Variants in CADM2 observed in about 807,000 individuals in gnomAD.
The protein encoded by CADM2 is cell adhesion molecule 2.
CADM2 carries 12 observed loss-of-function variants against 49.8 expected under a neutral mutation model. The observed-to-expected ratio is 0.24, with a 90% CI of 0.15 to 0.39. CADM2 has a LOEUF of 0.39. CADM2 is among the 10% of genes least tolerant of loss of function. CADM2 has a pLI of 1.00. For synonymous variants in CADM2, 214 were observed against 175.4 expected (o/e 1.22, Z -1.74); for missense variants, 378 against 492.3 (o/e 0.77, Z 2.20).
At chr3:85,694,209 A>G (rs1457253107) in intron 1 of CADM2, among the ~76,000 whole-genome samples, 1 of 152,220 alleles carries the variant, frequency 6.6e-6, no homozygotes, top group East Asian at 1.9e-4. Flanking sequence ...AACAGACTGA[A>G]TTCTACCCCT....
intron 1 of CADM2, among the ~76,000 whole-genome samples, chr3:85,103,422 G>T (rs2038085275): frequency 6.6e-6 from 1 of 152,062 alleles, no homozygotes; most frequent in Admixed American, 6.6e-5. Context: ...CAGTATGATA[G>T]TTTCCTGTGT....
chr3:85,019,205 A>C (rs1001490813), intron 1 of CADM2, among the ~76,000 whole-genome samples: 21 of 152,206 alleles, frequency 1.4e-4, no homozygotes, highest in African/African-American at 4.6e-4. Flanking sequence ...AATGCTGGGC[A>C]GGTGTGGTGG....
intron 1 of CADM2, among the ~76,000 whole-genome samples, chr3:85,467,276 T>C (rs757453114): frequency 3.3e-5 from 5 of 152,176 alleles, no homozygotes; most frequent in Non-Finnish European, 4.4e-5. Context: ...TACTTATATC[T>C]AGAATTTAGA....
chr3:85,154,427 T>C (rs2040036341), intron 1 of CADM2, among the ~76,000 whole-genome samples: 1 of 151,968 alleles, frequency 6.6e-6, no homozygotes. Flanking sequence ...CTCCAAGAAA[T>C]ATGGGACTAT....
At chr3:86,065,196 A>G (rs1176605976) in intron 8 of CADM2, among the ~76,000 whole-genome samples, 1 of 152,208 alleles carries the variant, frequency 6.6e-6, no homozygotes, top group Non-Finnish European at 1.5e-5. Flanking sequence ...ATAAGTCTCA[A>G]ATTATCATTT....
chr3:85,594,607 A>T (rs1035769754), intron 1 of CADM2, among the ~76,000 whole-genome samples: 6 of 151,964 alleles, frequency 3.9e-5, no homozygotes, highest in African/African-American at 1.4e-4. Context: ...ATACATTTGT[A>T]TTGAAGCATT....
intron 6 of CADM2, among the ~76,000 whole-genome samples, chr3:85,919,190 T>G (rs2108499297): frequency 6.6e-6 from 1 of 152,176 alleles, no homozygotes; most frequent in South Asian, 2.1e-4. Context: ...CATCTCATCA[T>G]GAAATCTTAT....
intron 3 of CADM2, among the ~76,000 whole-genome samples, chr3:85,865,535 G>C (rs766599720): frequency 3.3e-5 from 5 of 151,982 alleles, no homozygotes; most frequent in Non-Finnish European, 7.4e-5. Flanking sequence ...AATACGAAAC[G>C]GAATAAAAAC....
chr3:85,885,931 C>CTA (rs1713585190), intron 4 of CADM2, among the ~76,000 whole-genome samples: 1 of 149,824 alleles, frequency 6.7e-6, no homozygotes, highest in African/African-American at 2.5e-5. Context: ...TTTTTTGATA[C>CTA]TATATATATT....
intron 1 of CADM2, among the ~76,000 whole-genome samples, chr3:85,290,935 G>A (rs2043775238): frequency 6.6e-6 from 1 of 152,240 alleles, no homozygotes; most frequent in South Asian, 2.1e-4. Context: ...AAAGCTGGAT[G>A]GAGAATGACT....
intron 1 of CADM2, among the ~76,000 whole-genome samples, chr3:85,060,933 C>G (rs1459393447): frequency 6.6e-6 from 1 of 151,790 alleles, no homozygotes; most frequent in East Asian, 1.9e-4. Flanking sequence ...TATAAATAAT[C>G]CCATCCAAAA....
At chr3:86,063,007 A>C (rs1243045176) in intron 8 of CADM2, among the ~76,000 whole-genome samples, 1 of 152,148 alleles carries the variant, frequency 6.6e-6, no homozygotes, top group African/African-American at 2.4e-5. Context: ...GAAAATGCCT[A>C]GTTCTAATAA....
intron 1 of CADM2, among the ~76,000 whole-genome samples, chr3:85,376,937 G>A (rs2033626046): frequency 6.6e-6 from 1 of 152,012 alleles, no homozygotes. Flanking sequence ...AATATCTACT[G>A]AAAATTCCTT....
At chr3:85,798,797 A>G (rs2108060822) in intron 2 of CADM2, among the ~76,000 whole-genome samples, 1 of 152,122 alleles carries the variant, frequency 6.6e-6, no homozygotes. Context: ...TTTTTTTCTA[A>G]TTCTGTGAAG....
intron 1 of CADM2, among the ~76,000 whole-genome samples, chr3:85,572,643 G>A (rs530578458): frequency 6.6e-6 from 1 of 152,264 alleles, no homozygotes; most frequent in Admixed American, 6.5e-5. Context: ...ATAACTCTTG[G>A]TCTGAGGCCA....
At chr3:85,816,454 T>C (rs1344488221) in intron 3 of CADM2, among the ~76,000 whole-genome samples, 1 of 152,126 alleles carries the variant, frequency 6.6e-6, no homozygotes, top group Non-Finnish European at 1.5e-5. Context: ...TAATCTACAA[T>C]GTACAGTCTC....
chr3:85,547,343 G>A (rs1055575807), intron 1 of CADM2, among the ~76,000 whole-genome samples: 10 of 152,150 alleles, frequency 6.6e-5, no homozygotes, highest in African/African-American at 2.2e-4. Context: ...GCGATGGATG[G>A]CAGCAATTAA....
intron 8 of CADM2, among the ~76,000 whole-genome samples, chr3:86,009,147 ATATATATATATAGG>A (rs1731173859): frequency 7.9e-6 from 1 of 127,272 alleles, no homozygotes; most frequent in Admixed American, 7.5e-5. Context: ...ATATATATAG[ATATATATATATAGG>A]TATATATATA....
intron 2 of CADM2, among the ~76,000 whole-genome samples, chr3:85,779,316 G>T (rs889234694): frequency 3.9e-5 from 6 of 151,936 alleles, no homozygotes; most frequent in Admixed American, 1.3e-4. Flanking sequence ...CATGCCTAAA[G>T]CCTCTGCAGT....
Sources: allele counts gnomAD v4.1 joint callset (sites outside exome capture counted in the v4.1 genomes callset), GRCh38; gene constraint gnomAD v4.1.1; transcripts MANE v1.5; gene names NCBI Gene and HGNC (gene_info 2026-07-23, HGNC 2026-07-21).